USP34: variants seen among roughly 807,000 people sequenced by gnomAD.
USP34 encodes ubiquitin specific peptidase 34, also known as ubiquitin carboxyl-terminal hydrolase 34.
Under a neutral mutation model 460.3 loss-of-function variants are expected in USP34, and 70 were observed. That is an observed-to-expected ratio of 0.15 (90% confidence interval 0.13 to 0.19). USP34 has a LOEUF of 0.19. Among genes scored for constraint, USP34 ranks in the 10% least tolerant of loss-of-function variants. The pLI is 1.00. For synonymous variants in USP34, 1,647 were observed against 1,405.3 expected (o/e 1.17, Z -3.85); for missense variants, 3,985 against 4,236.2 (o/e 0.94, Z 1.65).
intron 12 of USP34, 94 bp from the exon 13 acceptor site, chr2:61,349,379 G>A: frequency 7.5e-7 from 1 of 1,324,790 alleles, no homozygotes; most frequent in Non-Finnish European, 1.1e-6. Context: ...TAATCAACAA[G>A]ATGTAAGTGG....
At position 61,348,344 on chromosome 2, in the gene USP34, C is replaced by T. The variant is rs775482397; in HGVS notation, c.1811G>A (p.Ser604Asn). The T allele has an allele frequency of 6.2e-7, 1 of 1,614,170 alleles. No individual in the cohort carries two copies. Among genetic ancestry groups the T allele is most frequent in the Non-Finnish European group, 8.5e-7 (1 of 1,180,030 alleles). Residue 604 changes from serine (S) to asparagine (N), a missense_variant, in exon 15 of 80, where the codon AGC (serine) becomes AAC (asparagine). Physicochemically the swap from Ser to Asn is conservative, Grantham distance 46. Transcript: ENST00000398571. Reference sequence around the variant, plus strand: ...TTCTGACTGTACCTCACTGCCAGGGCTCCCAGCTGACTGGCTTGCGTGGCT... The same window carrying T: ...TTCTGACTGTACCTCACTGCCAGGGTTCCCAGCTGACTGGCTTGCGTGGCT... The part of the protein sequence containing the change: ...NSSHASQSAG[S>N]PGSEVQSEDI...
At chr2:61,424,147 T>G (rs1694442429) in intron 1 of USP34, among the ~76,000 whole-genome samples, 1 of 152,062 alleles carries the variant, frequency 6.6e-6, no homozygotes, top group Non-Finnish European at 1.5e-5. Context: ...TATACTGAAA[T>G]GAATTGAAAG....
At chr2:61,448,445 C>T (rs1695180147) in intron 1 of USP34, among the ~76,000 whole-genome samples, 2 of 152,134 alleles carry the variant, frequency 1.3e-5, no homozygotes, top group Admixed American at 1.3e-4. Context: ...GTGAGTGAGG[C>T]CCTGTCTCAA....
intron 5 of USP34, among the ~76,000 whole-genome samples, chr2:61,387,540 T>C (rs1693187769): frequency 6.8e-6 from 1 of 147,222 alleles, no homozygotes; most frequent in Admixed American, 6.9e-5. Flanking sequence ...TATACACACA[T>C]ATATAAAATA....
intron 43 of USP34, among the ~76,000 whole-genome samples, chr2:61,265,006 A>G (rs1480320897): frequency 6.6e-6 from 1 of 152,220 alleles, no homozygotes; most frequent in Non-Finnish European, 1.5e-5. Context: ...GAAACAAGCT[A>G]AGTGATTCTG....
At chr2:61,372,969 A>T (rs1692675893) in intron 8 of USP34, among the ~76,000 whole-genome samples, 1 of 152,210 alleles carries the variant, frequency 6.6e-6, no homozygotes, top group Non-Finnish European at 1.5e-5. Context: ...ATTGTAGTCA[A>T]ATGATTTAAA....
At chr2:61,209,681 T>A (rs745352647) in intron 69 of USP34, among the ~76,000 whole-genome samples, 16 of 152,348 alleles carry the variant, frequency 1.1e-4, no homozygotes, top group Non-Finnish European at 2.1e-4. Context: ...GTTTATGTAT[T>A]TACTATATTA....
chr2:61,269,127 T>C (rs1390709770), intron 41 of USP34, among the ~76,000 whole-genome samples: 7 of 152,072 alleles, frequency 4.6e-5, no homozygotes, highest in Admixed American at 4.6e-4. Context: ...GTGGAAATAC[T>C]GAGGAGGAAT....
At chr2:61,286,357 TA>T (rs889703209) in intron 34 of USP34, among the ~76,000 whole-genome samples, 1 of 150,938 alleles carries the variant, frequency 6.6e-6, no homozygotes, top group East Asian at 1.9e-4. Context: ...TTTCTAAAAT[TA>T]AAAAAAAATA....
At chr2:61,435,307 CAAAAAAAAAAA>C (rs59158283) in intron 1 of USP34, among the ~76,000 whole-genome samples, 3 of 40,954 alleles carry the variant, frequency 7.3e-5, no homozygotes, top group East Asian at 1.5e-3. Context: ...GACCTTGTTT[CAAAAAAAAAAA>C]AAAAAAAAAA....
intron 1 of USP34, among the ~76,000 whole-genome samples, chr2:61,431,557 T>C (rs987968749): frequency 6.6e-6 from 1 of 152,134 alleles, no homozygotes; most frequent in Non-Finnish European, 1.5e-5. Context: ...AATCTGACAT[T>C]TTAGCTAGCA....
At chr2:61,217,632 A>G (rs1007033380) in intron 67 of USP34, among the ~76,000 whole-genome samples, 2 of 152,194 alleles carry the variant, frequency 1.3e-5, no homozygotes, top group South Asian at 4.1e-4. Context: ...TACTTACACT[A>G]GAATCGCTAA....
chr2:61,328,840 A>AT (rs1691175989), intron 20 of USP34, among the ~76,000 whole-genome samples: 1 of 152,046 alleles, frequency 6.6e-6, no homozygotes, highest in African/African-American at 2.4e-5. Context: ...TATGACTTCC[A>AT]TTTCCCTTTC....
chr2:61,314,452 G>T, intron 25 of USP34, 133 bp downstream of exon 25: 2 of 755,994 alleles, frequency 2.6e-6, no homozygotes, highest in Non-Finnish European at 1.9e-6. Context: ...TTATGTTACT[G>T]ATCCTTCACT....
At chr2:61,414,799 T>G (rs764218033) in intron 2 of USP34, among the ~76,000 whole-genome samples, 1 of 152,212 alleles carries the variant, frequency 6.6e-6, no homozygotes, top group Non-Finnish European at 1.5e-5. Flanking sequence ...TATTGGTTAC[T>G]TGGTATACAC....
At chr2:61,423,019 A>AC (rs1295506355) in intron 1 of USP34, among the ~76,000 whole-genome samples, 1 of 152,176 alleles carries the variant, frequency 6.6e-6, no homozygotes, top group Non-Finnish European at 1.5e-5. Context: ...ACAGAGTGAG[A>AC]CCCCCTCTCA....
At chr2:61,420,719 G>T (rs1694330136) in intron 2 of USP34, 27 bp downstream of exon 2, 1 of 1,531,946 alleles carries the variant, frequency 6.5e-7, no homozygotes, top group East Asian at 2.3e-5. Flanking sequence ...ACAAAAATTA[G>T]TCTTCGAAAT....
intron 1 of USP34, among the ~76,000 whole-genome samples, chr2:61,444,009 G>A (rs972220360): frequency 1.3e-5 from 2 of 152,176 alleles, no homozygotes; most frequent in African/African-American, 4.8e-5. Context: ...GGTGGCTCAT[G>A]CCTGTAACCC....
At chr2:61,310,343 G>T (rs1690547894) in intron 27 of USP34, among the ~76,000 whole-genome samples, 1 of 151,968 alleles carries the variant, frequency 6.6e-6, no homozygotes, top group South Asian at 2.1e-4. Context: ...CAATCTAAAT[G>T]TCCATTAATA....
Sources: gnomAD v4.1 joint callset for allele counts (sites outside exome capture counted in the v4.1 genomes callset) on GRCh38, gnomAD v4.1.1 for gene constraint, MANE v1.5 for transcripts, NCBI Gene and HGNC (gene_info 2026-07-23, HGNC 2026-07-21) for gene names.